The following FAM216A variants were observed in gnomAD, a reference collection of about 807,000 sequenced individuals.
FAM216A encodes family with sequence similarity 216 member A.
A neutral mutation model predicts 37.6 loss-of-function variants in FAM216A; 26 were observed. That is an observed-to-expected ratio of 0.69 (90% CI 0.51 to 0.96). The LOEUF is 0.96. FAM216A is among the 40% of genes least tolerant of loss of function. FAM216A has a pLI of 0.00. For synonymous variants in FAM216A, 110 were observed against 121.7 expected, an observed-to-expected ratio of 0.90 and a Z score of 0.64; for missense variants, 326 against 339.3, an observed-to-expected ratio of 0.96 and a Z score of 0.31.
chr12:110,482,227 G>A (rs1161940781), intron 2 of FAM216A, among the ~76,000 whole-genome samples: 3 of 151,944 alleles, frequency 2.0e-5, no homozygotes, highest in Non-Finnish European at 1.5e-5. Flanking sequence ...GACTACAGGT[G>A]TACGCCACCA....
upstream of FAM216A, chr12:110,468,666 C>T (rs1296113317): frequency 1.3e-6 from 2 of 1,536,504 alleles, no homozygotes; most frequent in East Asian, 4.9e-5. Flanking sequence ...CGCACTGCTT[C>T]CACAGAGAGG....
At chr12:110,485,583 A>G (rs2062772901) in intron 3 of FAM216A, among the ~76,000 whole-genome samples, 1 of 152,186 alleles carries the variant, frequency 6.6e-6, no homozygotes, top group African/African-American at 2.4e-5. Flanking sequence ...GGCAGTAATT[A>G]GCTTGCAAGT....
intron 1 of FAM216A, 163 bp downstream of exon 1, chr12:110,469,181 A>C: frequency 1.3e-6 from 1 of 777,304 alleles, no homozygotes; most frequent in East Asian, 3.3e-5. Flanking sequence ...TGTTGTGGAC[A>C]GAGGGCAGAG....
chr12:110,489,662 G>T (rs370451792), intron 6 of FAM216A, among the ~76,000 whole-genome samples: 5 of 152,266 alleles, frequency 3.3e-5, no homozygotes, highest in South Asian at 2.1e-4. Flanking sequence ...AAACTGTAGG[G>T]GGGGGAGTCC....
chr12:110,476,328 T>G (rs2062714386), intron 2 of FAM216A, among the ~76,000 whole-genome samples: 1 of 151,134 alleles, frequency 6.6e-6, no homozygotes, highest in South Asian at 2.1e-4. Context: ...GCCTCCCGGG[T>G]AGCTGGGACT....
upstream of FAM216A, chr12:110,468,679 C>T: frequency 1.3e-6 from 2 of 1,532,192 alleles, no homozygotes; most frequent in Non-Finnish European, 1.7e-6. Flanking sequence ...CAGAGAGGTG[C>T]AAACGTGCAA....
intron 1 of FAM216A, 40 bp downstream of exon 1, chr12:110,469,058 G>C (rs1036370759): frequency 2.9e-6 from 4 of 1,390,824 alleles, no homozygotes; most frequent in Non-Finnish European, 3.7e-6. Context: ...GCAGCATGGG[G>C]CCCCCGGGTC....
intron 5 of FAM216A, 138 bp downstream of exon 5, chr12:110,486,855 A>G: frequency 1.3e-6 from 1 of 746,354 alleles, no homozygotes; most frequent in Non-Finnish European, 2.1e-6. Flanking sequence ...TCCTGGGCTC[A>G]AGCAATGCTC....
chr12:110,475,301 G>A (rs368735154), intron 2 of FAM216A, among the ~76,000 whole-genome samples: 3 of 152,134 alleles, frequency 2.0e-5, no homozygotes, highest in African/African-American at 7.2e-5. Context: ...GAGTGCAGTG[G>A]TGTAATCTTG....
rs2062658357 is a variant in FAM216A, at chr12:110,468,859, G to A, written c.-17G>A. 1.3e-6 allele frequency: 2 copies of A among 1,485,742 alleles called. No individual in the cohort carries two copies. The highest frequency in any genetic ancestry group is 1.8e-6 in the Non-Finnish European group (2 of 1,117,936). The allele number at this position is 1,485,742 out of a possible 1,614,324, so 92.0% of individuals were successfully genotyped here. A position where few individuals can be genotyped will look rare whatever the true frequency, so the allele number is the denominator to read the frequency against. Reference sequence around the variant, plus strand: ...GGAATACCAGCAGCCTGACGCACGCGTGCTGTCGGGGGAGGGATGCTGGGA... The same window carrying A: ...GGAATACCAGCAGCCTGACGCACGCATGCTGTCGGGGGAGGGATGCTGGGA... On this transcript the variant is annotated 5_prime_UTR_variant, in exon 1 of 7. The change creates a new upstream start codon in the 5' untranslated region. Transcript: ENST00000377673.
intron 6 of FAM216A, among the ~76,000 whole-genome samples, chr12:110,488,330 G>C (rs781587081): frequency 2.9e-4 from 44 of 150,448 alleles, no homozygotes; most frequent in Middle Eastern, 6.8e-3. Flanking sequence ...AGAATCGATT[G>C]AACCTGGGAG....
At chr12:110,472,975 CAAA>C (rs879057348) in intron 1 of FAM216A, 100 bp from the exon 2 acceptor site, 1,947 of 86,700 alleles carry the variant, frequency 0.022, no homozygotes, top group South Asian at 0.051. Context: ...GACCCTGTCT[CAAA>C]AAAAAAAAAA....
chr12:110,472,046 A>G (rs2062689710), intron 1 of FAM216A, among the ~76,000 whole-genome samples: 1 of 151,996 alleles, frequency 6.6e-6, no homozygotes, highest in African/African-American at 2.4e-5. Context: ...GGCCTGGCCA[A>G]CATGGCGAAA....
chr12:110,490,330 T>G lies in FAM216A; in HGVS notation c.*193T>G. The G allele has an allele frequency of 1.8e-6, 1 of 566,194 alleles. No individual in the cohort carries two copies. The highest frequency in any genetic ancestry group is 2.1e-5 in the South Asian group (1 of 47,432). The allele number at this position is 566,194 out of a possible 1,614,324, so 35.1% of individuals were successfully genotyped here. A position where few individuals can be genotyped will look rare whatever the true frequency, so the allele number is the denominator to read the frequency against. On this transcript the variant is annotated 3_prime_UTR_variant, in exon 7 of 7. Coordinates refer to ENST00000377673, the MANE Select transcript of FAM216A (RefSeq NM_013300.3). ...TGATAGTTATGTAAGAAAATTTACA[T>G]GTAACATATACTTGTACTTCTAGCT...
Position 110,485,203 on chromosome 12 carries a change from T to C in FAM216A, c.306+4T>C, listed in dbSNP as rs200632805. 173 of 1,602,194 alleles carry C rather than the reference T, an allele frequency of 1.1e-4. No homozygotes were observed. The highest frequency in any genetic ancestry group is 1.4e-4 in the Non-Finnish European group (168 of 1,176,796). ...GATGGAGGCGTCCTTTTTCAAGGTATGCTAACAGGGACATATTTAAATACC... is the reference window on the plus strand; with the variant it reads ...GATGGAGGCGTCCTTTTTCAAGGTACGCTAACAGGGACATATTTAAATACC... On this transcript the variant is annotated splice_donor_region_variant and intron_variant, in intron 3 of 6. Coordinates refer to ENST00000377673, the MANE Select transcript of FAM216A (RefSeq NM_013300.3).
In FAM216A at chr12:110,486,709, C is replaced by A. The variant is rs767810510; in HGVS notation, c.612C>A (p.Asn204Lys). The A allele has an allele frequency of 9.3e-6, 15 of 1,612,538 alleles. No individual in the cohort carries two copies. Among genetic ancestry groups the A allele is most frequent in the Non-Finnish European group, 1.3e-5 (15 of 1,179,498 alleles). Residue 204 changes from asparagine (N) to lysine (K), a missense_variant, in exon 5 of 7, where the codon AAC (asparagine) becomes AAA (lysine). Transcript: ENST00000377673. ...ATTCCCTTTGGCGGCCAGTGAGAAACAAAGAAGGGTCTGTTTCTTAGTGTA... is the reference window on the plus strand; with the variant it reads ...ATTCCCTTTGGCGGCCAGTGAGAAAAAAAGAAGGGTCTGTTTCTTAGTGTA... ...IQHSLWRPVR[N>K]KEGIKTGYAS...
At chr12:110,477,383 C>T (rs1449687027) in intron 2 of FAM216A, among the ~76,000 whole-genome samples, 2 of 152,210 alleles carry the variant, frequency 1.3e-5, no homozygotes, top group Non-Finnish European at 2.9e-5. Flanking sequence ...GACGGAGTCT[C>T]GCACTGTCTC....
chr12:110,472,279 AT>A (rs2062690998), intron 1 of FAM216A, among the ~76,000 whole-genome samples: 1 of 152,062 alleles, frequency 6.6e-6, no homozygotes, highest in Non-Finnish European at 1.5e-5. Flanking sequence ...CAATACCCAA[AT>A]CACTTCATTA....
chr12:110,484,580 C>T (rs2062766272), intron 2 of FAM216A, among the ~76,000 whole-genome samples: 1 of 151,170 alleles, frequency 6.6e-6, no homozygotes, highest in African/African-American at 2.4e-5. Context: ...TGCATCTTAG[C>T]TGAGTTCAAA....
Sources: gnomAD v4.1 joint callset for allele counts (sites outside exome capture counted in the v4.1 genomes callset) on GRCh38, gnomAD v4.1.1 for gene constraint, MANE v1.5 for transcripts, NCBI Gene and HGNC (gene_info 2026-07-23, HGNC 2026-07-21) for gene names.